Variants in HERC5 observed in about 807,000 individuals in gnomAD.
HERC5 encodes the protein HECT and RLD domain containing E3 ubiquitin protein ligase 5, also known as E3 ISG15--protein ligase HERC5.
A neutral mutation model predicts 119.6 loss-of-function variants in HERC5; 99 were observed. The observed-to-expected ratio is 0.83, with a 90% CI of 0.70 to 0.98. The LOEUF (loss-of-function observed/expected upper bound fraction) is 0.98, where lower values mean the gene tolerates loss of function less well. Among genes scored for constraint, HERC5 ranks in the 50% least tolerant of loss-of-function variants. The pLI is 0.00. For missense variants in HERC5, 1,267 were observed against 1,241.3 expected, an observed-to-expected ratio of 1.02 and a Z score of -0.31; for synonymous variants, 478 against 445.9, an observed-to-expected ratio of 1.07 and a Z score of -0.91.
At chr4:88,498,187 A>C (rs1422073359) in intron 18 of HERC5, among the ~76,000 whole-genome samples, 1 of 152,192 alleles carries the variant, frequency 6.6e-6, no homozygotes, top group Admixed American at 6.5e-5. Context: ...AGGCAACTGC[A>C]GAGAGCCCCC....
intron 20 of HERC5, among the ~76,000 whole-genome samples, chr4:88,501,257 C>G (rs1230450882): frequency 6.6e-6 from 1 of 152,186 alleles, no homozygotes; most frequent in Non-Finnish European, 1.5e-5. Context: ...TCCACTCGTT[C>G]TGCTTTTTCT....
intron 18 of HERC5, 93 bp downstream of exon 18, chr4:88,494,424 A>G: frequency 9.6e-7 from 1 of 1,037,126 alleles, no homozygotes; most frequent in Non-Finnish European, 1.4e-6. Context: ...TCCATGTTCA[A>G]CAGCAGCATT....
intron 20 of HERC5, among the ~76,000 whole-genome samples, chr4:88,502,494 T>C (rs912378935): frequency 6.6e-6 from 1 of 152,136 alleles, no homozygotes; most frequent in East Asian, 1.9e-4. Context: ...ACCCAGAGCA[T>C]GCGTGGGGAA....
rs1358676300 is a variant in HERC5 at position 88,462,352 on chromosome 4, T to C, written c.684T>C (p.Thr228=). Residue 228 remains threonine, a synonymous_variant, in exon 4 of 23, where the codon ACT becomes ACC. Coordinates refer to ENST00000264350, the MANE Select transcript of HERC5 (RefSeq NM_016323.4). ...NECGQLGLGH[T]ESKDDPSLIE... ...GTGGACAACTAGGCCTGGGCCACAC[T>C]GAGAGTATGGAACACATTCTCAGAT... The C allele has an allele frequency of 6.2e-7, 1 of 1,612,496 alleles. No individual in the cohort carries two copies. The highest frequency in any genetic ancestry group is 8.5e-7 in the Non-Finnish European group (1 of 1,178,584).
chr4:88,480,066 CAAA>C (rs58577205), intron 13 of HERC5, among the ~76,000 whole-genome samples: 7 of 93,916 alleles, frequency 7.5e-5, no homozygotes, highest in Admixed American at 1.1e-4. Context: ...GACTCCGTCT[CAAA>C]AAAAAAAAAA....
chr4:88,463,403 A>G (rs1055730239), intron 4 of HERC5, 129 bp from the exon 5 acceptor site: 1 of 632,370 alleles, frequency 1.6e-6, no homozygotes, highest in Non-Finnish European at 2.8e-6. Flanking sequence ...ACATGGCAAC[A>G]TAGAGCCTTT....
At chr4:88,468,235 T>G in intron 7 of HERC5, 111 bp from the exon 8 acceptor site, 1 of 760,384 alleles carries the variant, frequency 1.3e-6, no homozygotes, top group Non-Finnish European at 2.1e-6. Context: ...TTTTGTCTAT[T>G]AAGAAGAAAA....
At position 88,470,720 on chromosome 4, in the gene HERC5, C is replaced by T. The variant is rs369739729; in HGVS notation, c.1298+47C>T. On this transcript the variant is annotated intron_variant, in intron 10 of 22. Transcript: ENST00000264350. ...TTGTATTAAATTGTATTAAGAGTAC[C>T]GTGAAAGAGGATAAAAAAATGATTG... 28 of 818,150 alleles carry T rather than the reference C, an allele frequency of 3.4e-5. 1 individual carries two copies. The highest frequency in any genetic ancestry group is 5.7e-5 in the South Asian group (3 of 52,232). The allele number at this position is 818,150 out of a possible 1,614,324, so 50.7% of individuals were successfully genotyped here.
In HERC5 at chr4:88,474,551, A is replaced by G. The variant is rs2149094459; in HGVS notation, c.1393-1290A>G. Among the ~76,000 whole-genome samples the G allele has an allele frequency of 3.9e-5, 6 of 152,320 alleles. 1 individual carries two copies. The Middle Eastern group carries it at 0.017, about 432-fold the overall frequency. On this transcript the variant is annotated intron_variant, in intron 11 of 22. Transcript: ENST00000264350. ...TTGTCAGGTATACGTAACTCCAAAG[A>G]CCGAATCTCATCGTAGGAGTCCAAT...
chr4:88,490,193 C>G (rs1245117836), intron 16 of HERC5, among the ~76,000 whole-genome samples: 2 of 152,008 alleles, frequency 1.3e-5, no homozygotes, highest in Non-Finnish European at 2.9e-5. Flanking sequence ...TCATAATGAC[C>G]AGTAGATCTT....
intron 8 of HERC5, 116 bp from the exon 9 acceptor site, chr4:88,469,041 G>C: frequency 1.6e-6 from 1 of 628,138 alleles, no homozygotes; most frequent in Non-Finnish European, 2.8e-6. Context: ...GATTGTCCCA[G>C]GGCTGTATTA....
intron 15 of HERC5, among the ~76,000 whole-genome samples, chr4:88,487,897 C>T (rs1560610100): frequency 1.3e-5 from 2 of 152,272 alleles, no homozygotes; most frequent in South Asian, 4.1e-4. Context: ...AACTGCCTCA[C>T]ACAAAGCACC....
chr4:88,466,630 C>T (rs942729801), intron 6 of HERC5, among the ~76,000 whole-genome samples: 11 of 152,128 alleles, frequency 7.2e-5, no homozygotes, highest in African/African-American at 2.2e-4. Flanking sequence ...CCTTGCTACA[C>T]AACAGTATAG....
At chr4:88,459,215 G>T (rs1740316836) in intron 1 of HERC5, 132 bp from the exon 2 acceptor site, 1 of 658,160 alleles carries the variant, frequency 1.5e-6, no homozygotes, top group Non-Finnish European at 2.3e-6. Flanking sequence ...TTTCTTAAGA[G>T]AAGTTCATGG....
chr4:88,495,693 G>A (rs1441123999), intron 18 of HERC5, among the ~76,000 whole-genome samples: 1 of 152,060 alleles, frequency 6.6e-6, no homozygotes, highest in Admixed American at 6.6e-5. Context: ...ACGATGATCT[G>A]AACACAGTCT....
chr4:88,485,721 G>T (rs955027471), intron 13 of HERC5, among the ~76,000 whole-genome samples: 2 of 151,996 alleles, frequency 1.3e-5, no homozygotes, highest in Non-Finnish European at 2.9e-5. Context: ...TCTCGGTAGG[G>T]GAATGTTCCA....
Position 88,479,526 on chromosome 4 carries a change from A to G in HERC5, c.1737+19A>G. On this transcript the variant is annotated intron_variant, in intron 13 of 22. Transcript: ENST00000264350. ...GCACAGGGTAAGAGTTCCTTTAGAA[A>G]CCTCTGTGTTTTTATCTAGCTGTAA... 2 of 1,523,064 alleles carry G rather than the reference A, an allele frequency of 1.3e-6. No homozygotes were observed. The highest frequency in any genetic ancestry group is 2.4e-5 in the East Asian group (1 of 42,460). The allele number at this position is 1,523,064 out of a possible 1,614,324, so 94.3% of individuals were successfully genotyped here.
intron 12 of HERC5, among the ~76,000 whole-genome samples, chr4:88,476,585 A>G (rs1294973000): frequency 6.6e-6 from 1 of 152,238 alleles, no homozygotes; most frequent in Non-Finnish European, 1.5e-5. Context: ...AATAAGTTGA[A>G]GACATGAGAT....
chr4:88,476,897 G>T (rs577561068), intron 12 of HERC5, among the ~76,000 whole-genome samples: 1 of 151,436 alleles, frequency 6.6e-6, no homozygotes, highest in South Asian at 2.1e-4. Context: ...TCCAGCCTGG[G>T]CGACAGAGTG....
Sources: gnomAD v4.1 joint callset for allele counts (sites outside exome capture counted in the v4.1 genomes callset) on GRCh38, gnomAD v4.1.1 for gene constraint, MANE v1.5 for transcripts, NCBI Gene and HGNC (gene_info 2026-07-23, HGNC 2026-07-21) for gene names.